The following GATAD2B variants were observed in gnomAD, a reference collection of about 807,000 sequenced individuals.
GATAD2B encodes the protein GATA zinc finger domain containing 2B.
In GATAD2B, 8 loss-of-function variants were observed where a neutral mutation model predicts 64.3. That is an observed-to-expected ratio of 0.12 (90% confidence interval 0.07 to 0.22). The LOEUF is 0.22. Among genes scored for constraint, GATAD2B ranks in the 10% least tolerant of loss-of-function variants. GATAD2B has a pLI of 1.00. For synonymous variants in GATAD2B, 281 were observed against 271.3 expected (o/e 1.04, Z -0.35); for missense variants, 453 against 752.0 (o/e 0.60, Z 4.65).
intron 1 of GATAD2B, among the ~76,000 whole-genome samples, chr1:153,842,108 C>T (rs532610240): frequency 2.0e-5 from 3 of 152,290 alleles, no homozygotes; most frequent in East Asian, 3.9e-4. Context: ...AGAGGAGAAG[C>T]GACTTGAAGT....
chr1:153,901,159 A>G (rs1677757123), intron 1 of GATAD2B, among the ~76,000 whole-genome samples: 1 of 152,034 alleles, frequency 6.6e-6, no homozygotes, highest in Non-Finnish European at 1.5e-5. Context: ...GGTTGCAGTA[A>G]GCCGCCATAG....
intron 2 of GATAD2B, among the ~76,000 whole-genome samples, chr1:153,825,271 C>T (rs1028833138): frequency 2.0e-4 from 31 of 152,114 alleles, no homozygotes; most frequent in African/African-American, 7.5e-4. Flanking sequence ...ATCTCATTCA[C>T]CCATATCCTT....
rs1674243237 is a variant in GATAD2B, at chr1:153,810,117, G to A, written c.*60C>T. ...GGCACTGCATGCGACAGAAGTTGGGGGAATGAAAGAGGAAAGGGATAAAGG... is the reference window on the plus strand; with the variant it reads ...GGCACTGCATGCGACAGAAGTTGGGAGAATGAAAGAGGAAAGGGATAAAGG... On this transcript the variant is annotated 3_prime_UTR_variant, in exon 11 of 11. Coordinates refer to ENST00000368655, the MANE Select transcript of GATAD2B (RefSeq NM_020699.4). 2.0e-6 allele frequency: 3 copies of A among 1,523,444 alleles called. No homozygotes were observed. The highest frequency in any genetic ancestry group is 4.8e-5 in the East Asian group (2 of 42,104). The allele number at this position is 1,523,444 out of a possible 1,614,324, so 94.4% of individuals were successfully genotyped here.
intron 10 of GATAD2B, among the ~76,000 whole-genome samples, chr1:153,810,770 G>A (rs1431876546): frequency 1.3e-5 from 2 of 148,882 alleles, no homozygotes; most frequent in East Asian, 4.1e-4. Context: ...AATTTTGTTT[G>A]CTTATTTATC....
intron 1 of GATAD2B, 53 bp from the exon 2 acceptor site, chr1:153,828,401 A>T (rs1674957177): frequency 7.3e-7 from 1 of 1,368,852 alleles, no homozygotes; most frequent in African/African-American, 1.4e-5. Flanking sequence ...TAAATAGTCC[A>T]TTTTTAAAAA....
intron 1 of GATAD2B, among the ~76,000 whole-genome samples, chr1:153,847,111 C>T (rs537152106): frequency 2.1e-4 from 32 of 152,118 alleles, no homozygotes; most frequent in Admixed American, 6.5e-4. Context: ...AGCCTACAGA[C>T]GTGCACCACC....
rs1674107406 is a variant in GATAD2B, at chr1:153,806,185, C to G, written c.*3992G>C. On this transcript the variant is annotated 3_prime_UTR_variant, in exon 11 of 11. Coordinates refer to ENST00000368655, the MANE Select transcript of GATAD2B (RefSeq NM_020699.4). Reference sequence around the variant, plus strand: ...AATACAATTACAATTCATAATAATACTTGGTTTCGATGCCCCCGGGAACTG... The same window carrying G: ...AATACAATTACAATTCATAATAATAGTTGGTTTCGATGCCCCCGGGAACTG... 6.6e-6 allele frequency: 1 copy of G among 152,198 alleles called. No homozygotes were observed. 9.4% of individuals were successfully genotyped at this position (152,198 alleles called of 1,614,324 possible).
At chr1:153,918,213 A>G (rs1678331541) in intron 1 of GATAD2B, among the ~76,000 whole-genome samples, 1 of 152,198 alleles carries the variant, frequency 6.6e-6, no homozygotes, top group South Asian at 2.1e-4. Flanking sequence ...GACTGGCATT[A>G]CTCTGTCTGC....
chr1:153,896,529 C>T (rs1307748765), intron 1 of GATAD2B, among the ~76,000 whole-genome samples: 3 of 151,158 alleles, frequency 2.0e-5, no homozygotes, highest in South Asian at 2.1e-4. Context: ...CTCCACCTCC[C>T]GGGTTCAAGC....
chr1:153,827,161 G>A (rs187609811), intron 2 of GATAD2B, among the ~76,000 whole-genome samples: 26 of 150,482 alleles, frequency 1.7e-4, no homozygotes, highest in African/African-American at 6.1e-4. Flanking sequence ...TGTGGGTTGG[G>A]GTTGAGGGGG....
chr1:153,826,990 T>C (rs556157793), intron 2 of GATAD2B, among the ~76,000 whole-genome samples: 2 of 147,024 alleles, frequency 1.4e-5, no homozygotes, highest in Non-Finnish European at 3.0e-5. Context: ...TGCATGTCCA[T>C]AATCCGGCAC....
chr1:153,919,018 T>C (rs982062808), intron 1 of GATAD2B, among the ~76,000 whole-genome samples: 1 of 152,088 alleles, frequency 6.6e-6, no homozygotes, highest in Non-Finnish European at 1.5e-5. Flanking sequence ...AGAGAATGGC[T>C]CAGGAATATG....
intron 1 of GATAD2B, among the ~76,000 whole-genome samples, chr1:153,914,377 T>C (rs1033971023): frequency 2.0e-5 from 3 of 151,286 alleles, no homozygotes; most frequent in Admixed American, 1.3e-4. Flanking sequence ...CCTAGCGAAA[T>C]AGATAAAGCA....
At chr1:153,873,139 T>A (rs947102990) in intron 1 of GATAD2B, among the ~76,000 whole-genome samples, 2 of 152,176 alleles carry the variant, frequency 1.3e-5, no homozygotes, top group African/African-American at 4.8e-5. Flanking sequence ...GACTTAGTAT[T>A]ATTATGAAAC....
chr1:153,874,018 G>T (rs1010988310), intron 1 of GATAD2B, among the ~76,000 whole-genome samples: 1 of 152,106 alleles, frequency 6.6e-6, no homozygotes, highest in Admixed American at 6.6e-5. Flanking sequence ...TCAGCACTTT[G>T]GGAGGCCGAG....
Position 153,904,475 on chromosome 1 carries a change from A to C in GATAD2B, c.-2+18258T>G, listed in dbSNP as rs1004837116. Among the ~76,000 whole-genome samples the C allele has an allele frequency of 2.0e-5, 3 of 152,150 alleles. No individual in the cohort carries two copies. The East Asian group carries it at 5.8e-4, about 29-fold the overall frequency. On this transcript the variant is annotated intron_variant, in intron 1 of 10. Transcript: ENST00000368655. ...GAAAACAAACTTTAAAACAAGAAGAAAGTGCTCCAACCATAACAAAATGAT... is the reference window on the plus strand; with the variant it reads ...GAAAACAAACTTTAAAACAAGAAGACAGTGCTCCAACCATAACAAAATGAT...
intron 1 of GATAD2B, among the ~76,000 whole-genome samples, chr1:153,893,913 G>A (rs1192631238): frequency 7.9e-5 from 10 of 127,138 alleles, no homozygotes; most frequent in South Asian, 2.6e-4. Flanking sequence ...AGCCGAGATC[G>A]CACCACTGCA....
At position 153,807,414 on chromosome 1, in the gene GATAD2B, T is replaced by A. The variant is rs1369739805; in HGVS notation, c.*2763A>T. On this transcript the variant is annotated 3_prime_UTR_variant, in exon 11 of 11. Coordinates refer to ENST00000368655, the MANE Select transcript of GATAD2B (RefSeq NM_020699.4). ...AGGAGGGAAGGGAGGAGGTGGAAGG[T>A]TAACACTTTACCATGATTAGGGAGA... 1 of 151,754 alleles carries A rather than the reference T, an allele frequency of 6.6e-6. No individual in the cohort carries two copies. Among genetic ancestry groups the A allele is most frequent in the Non-Finnish European group, 1.5e-5 (1 of 67,908 alleles). 9.4% of individuals were successfully genotyped at this position (151,754 alleles called of 1,614,324 possible). A position where few individuals can be genotyped will look rare whatever the true frequency, so the allele number is the denominator to read the frequency against.
intron 1 of GATAD2B, among the ~76,000 whole-genome samples, chr1:153,921,556 A>C: frequency 6.6e-6 from 1 of 152,032 alleles, no homozygotes; most frequent in East Asian, 1.9e-4. Flanking sequence ...GCCTCTGCTG[A>C]AATGTATTAA....
Sources: gnomAD v4.1 joint callset for allele counts (sites outside exome capture counted in the v4.1 genomes callset) on GRCh38, gnomAD v4.1.1 for gene constraint, MANE v1.5 for transcripts, NCBI Gene and HGNC (gene_info 2026-07-23, HGNC 2026-07-21) for gene names.